Variants in POLG2 observed in about 807,000 individuals in gnomAD.
POLG2 encodes DNA polymerase gamma 2, accessory subunit.
In POLG2, 50 loss-of-function variants were observed where a neutral mutation model predicts 56.5. That is an observed-to-expected ratio of 0.88 (90% CI 0.71 to 1.12). POLG2 has a LOEUF of 1.12. Ranked by LOEUF, POLG2 falls within the 50% of genes most tolerant of loss-of-function variation. POLG2 has a pLI of 0.00. For synonymous variants in POLG2, 226 were observed against 222.6 expected, an observed-to-expected ratio of 1.02 and a Z score of -0.14; for missense variants, 584 against 583.3, an observed-to-expected ratio of 1.00 and a Z score of -0.01.
chr17:64,491,904 A>T, intron 3 of POLG2: 1 of 200,616 alleles, frequency 5.0e-6, no homozygotes. Context: ...TAACCTCCAA[A>T]TAAAAGATGA....
intron 7 of POLG2, among the ~76,000 whole-genome samples, chr17:64,478,757 C>T (rs1269973667): frequency 4.0e-5 from 6 of 151,842 alleles, no homozygotes; most frequent in Non-Finnish European, 4.4e-5. Flanking sequence ...ATTAGCTGGG[C>T]GTGGTGGCAG....
chr17:64,490,933 A>G lies in POLG2; in HGVS notation c.832T>C (p.Cys278Arg), dbSNP rs146780384. ...CCTTTCCGGCCTTCTTCATCCTGAC[A>G]GTCACTGCTGCTGAAGTTAGATGGA... ...MSPSNFSSSD[C>R]QDEEGRKGNK... Residue 278 changes from cysteine (C) to arginine (R), a missense_variant, in exon 4 of 8, where the codon TGT (cysteine) becomes CGT (arginine). Physicochemically the swap from Cys to Arg is radical, Grantham distance 180 (BLOSUM62 -3). Transcript: ENST00000539111. The G allele has an allele frequency of 1.2e-6, 2 of 1,613,906 alleles. No homozygotes were observed. Among genetic ancestry groups the G allele is most frequent in the Non-Finnish European group, 1.7e-6 (2 of 1,179,896 alleles).
intron 6 of POLG2, among the ~76,000 whole-genome samples, chr17:64,480,683 C>A (rs1221230926): frequency 6.6e-6 from 1 of 151,996 alleles, no homozygotes; most frequent in Non-Finnish European, 1.5e-5. Context: ...AAAACACAAA[C>A]AAAACCAAAA....
intron 3 of POLG2, chr17:64,491,590 G>A: frequency 6.5e-7 from 1 of 1,549,144 alleles, no homozygotes; most frequent in Non-Finnish European, 8.9e-7. Context: ...CTGCCAAGCT[G>A]GATCTTGATG....
At chr17:64,492,133 C>T (rs2038072003) in intron 3 of POLG2, among the ~76,000 whole-genome samples, 1 of 152,164 alleles carries the variant, frequency 6.6e-6, no homozygotes. Context: ...GAAAGTATCA[C>T]ATAGTCCTCA....
rs782118666 is a variant in POLG2 at position 64,496,942 on chromosome 17, G to C, written c.27C>G (p.Ala9=). The C allele has an allele frequency of 6.2e-7, 1 of 1,608,932 alleles. No homozygotes were observed. Among genetic ancestry groups the C allele is most frequent in the South Asian group, 1.1e-5 (1 of 91,074 alleles). Residue 9 remains alanine, a synonymous_variant, in exon 1 of 8, where the codon GCC becomes GCG. Transcript: ENST00000539111. MRSRVAVR[A]CHKVCRCLLS... The stretch of plus-strand genomic sequence containing the variant: ...ACAGGCACCTGCAGACCTTATGGCA[G>C]GCCCTGACGGCTACACGAGAGCGCA...
At position 64,484,464 on chromosome 17, in the gene POLG2, G is replaced by A. The variant is rs114459088; in HGVS notation, c.1110+1264C>T. On this transcript the variant is annotated intron_variant, in intron 5 of 7. Transcript: ENST00000539111. ...ACAGCAGATCAAAAAGAGGGCTTCG[G>A]TTTTTCCTGAGTGAGATGAGAAGCT... Among the ~76,000 whole-genome samples, 758 of 152,312 alleles carry A rather than the reference G, an allele frequency of 5.0e-3. 9 individuals are homozygous for A. The highest frequency in any genetic ancestry group is 0.017 in the African/African-American group (721 of 41,554).
intron 4 of POLG2, chr17:64,487,546 G>A (rs2037978569): frequency 6.6e-6 from 1 of 151,410 alleles, no homozygotes. Flanking sequence ...CCCAGGAGGT[G>A]GAGGCTGCAG....
chr17:64,495,265 G>A (rs1008861148), intron 1 of POLG2, among the ~76,000 whole-genome samples: 18 of 150,196 alleles, frequency 1.2e-4, no homozygotes, highest in African/African-American at 3.7e-4. Context: ...TTTAAACGAA[G>A]AAAGTTAGGA....
rs782601881 is a variant in POLG2, at chr17:64,493,002, A to G, written c.582T>C (p.Val194=). 1.9e-6 allele frequency: 3 copies of G among 1,614,124 alleles called. No homozygotes were observed. Among genetic ancestry groups the G allele is most frequent in the Non-Finnish European group, 2.5e-6 (3 of 1,179,958 alleles). Residue 194 remains valine, a synonymous_variant, in exon 2 of 8, where the codon GTT becomes GTC. Coordinates refer to ENST00000539111, the MANE Select transcript of POLG2 (RefSeq NM_007215.4). ...NLLHGALEHY[V]NCLDLVNKRL... is the part of the protein sequence containing the mutation. ...TCTTGTTTACCAGATCCAGGCAATT[A>G]ACATAGTGTTCCAAGGCACCTGTCA...
At position 64,481,417 on chromosome 17, in the gene POLG2, A is replaced by G. The variant is rs1420810210; in HGVS notation, c.1192-1028T>C. On this transcript the variant is annotated intron_variant, in intron 6 of 7. Transcript: ENST00000539111. Reference sequence around the variant, plus strand: ...GGTCTGGGCTGGGTCTCAATCACCCAGACAGAAATGACGACTGCTGAAGGA... The same window carrying G: ...GGTCTGGGCTGGGTCTCAATCACCCGGACAGAAATGACGACTGCTGAAGGA... 3 of 985,296 alleles carry G rather than the reference A, an allele frequency of 3.0e-6. No homozygotes were observed. The South Asian group carries it at 1.4e-4, about 46-fold the overall frequency. The allele number at this position is 985,296 out of a possible 1,614,324, so 61.0% of individuals were successfully genotyped here. A position where few individuals can be genotyped will look rare whatever the true frequency, so the allele number is the denominator to read the frequency against.
intron 2 of POLG2, 48 bp from the exon 3 acceptor site, chr17:64,492,820 T>C: frequency 6.2e-7 from 1 of 1,601,508 alleles, no homozygotes. Context: ...GAAAATTATA[T>C]AATTTATCCC....
At chr17:64,481,644 G>T (rs566977164) in intron 6 of POLG2, among the ~76,000 whole-genome samples, 16 of 152,182 alleles carry the variant, frequency 1.1e-4, no homozygotes, top group Admixed American at 8.5e-4. Context: ...AGGCCGAGGT[G>T]GGCGGATCAC....
chr17:64,497,018 A>C lies in POLG2; in HGVS notation c.-50T>G. 6.6e-7 allele frequency: 1 copy of C among 1,507,742 alleles called. No homozygotes were observed. Among genetic ancestry groups the C allele is most frequent in the Non-Finnish European group, 9.1e-7 (1 of 1,096,606 alleles). 93.4% of individuals were successfully genotyped at this position (1,507,742 alleles called of 1,614,324 possible). On this transcript the variant is annotated 5_prime_UTR_variant, in exon 1 of 8. Coordinates refer to ENST00000539111, the MANE Select transcript of POLG2 (RefSeq NM_007215.4). The stretch of plus-strand genomic sequence containing the variant: ...CTCTCCCATCACTCAACGGATCCCA[A>C]CAAGCCACCACTACCGTTAACAGAA...
intron 5 of POLG2, among the ~76,000 whole-genome samples, chr17:64,483,737 A>G (rs1466248046): frequency 7.1e-6 from 1 of 141,322 alleles, no homozygotes; most frequent in Non-Finnish European, 1.5e-5. Context: ...TTTTTTTTTT[A>G]AAGGGTCTGG....
chr17:64,491,948 A>C (rs951837857), intron 3 of POLG2, among the ~76,000 whole-genome samples: 8 of 152,024 alleles, frequency 5.3e-5, no homozygotes, highest in Admixed American at 4.6e-4. Context: ...ACAAAAAAAA[A>C]ACCAAAAACA....
chr17:64,481,385 G>C, intron 6 of POLG2: 1 of 985,158 alleles, frequency 1.0e-6, no homozygotes, highest in South Asian at 4.7e-5. Context: ...TTTAGTGTCC[G>C]CATTCAGGTC....
rs2038087248 is a variant in POLG2, at chr17:64,492,907, T to C, written c.677A>G (p.Asn226Ser). The C allele has an allele frequency of 6.2e-7, 1 of 1,614,020 alleles. No individual in the cohort carries two copies. The highest frequency in any genetic ancestry group is 8.5e-7 in the Non-Finnish European group (1 of 1,179,976). ...HPVFDTKQIR[N>S]GVKSIGEKTE... is the part of the protein sequence containing the mutation. ...CCACTTTTTATACCTTTTAACACCA[T>C]TTCGTATCTGCTTAGTGTCAAAAAC... Residue 226 changes from asparagine to serine, a missense_variant, in exon 2 of 8, where the codon AAT becomes AGT. Asn to Ser is a conservative substitution (Grantham distance 46). Transcript: ENST00000539111.
At chr17:64,490,693 T>C (rs1310678560) in intron 4 of POLG2, 103 bp downstream of exon 4, 2 of 842,934 alleles carry the variant, frequency 2.4e-6, no homozygotes, top group Non-Finnish European at 2.0e-6. Flanking sequence ...AAATACACAA[T>C]GAAGTGTTAA....
Sources: allele counts gnomAD v4.1 joint callset (sites outside exome capture counted in the v4.1 genomes callset), GRCh38; gene constraint gnomAD v4.1.1; transcripts MANE v1.5; gene names NCBI Gene and HGNC (gene_info 2026-07-23, HGNC 2026-07-21).